FAM221A: variants seen among roughly 807,000 people sequenced by gnomAD.
The protein encoded by FAM221A is protein FAM221A.
A neutral mutation model predicts 37.6 loss-of-function variants in FAM221A; 43 were observed. That is an observed-to-expected ratio of 1.15 (90% CI 0.90 to 1.48). The LOEUF (loss-of-function observed/expected upper bound fraction) is 1.48, where lower values mean the gene tolerates loss of function less well. FAM221A is among the 40% of genes most tolerant of loss of function. The pLI is 0.00. For synonymous variants in FAM221A, 135 were observed against 132.9 expected (o/e 1.02, Z -0.11); for missense variants, 361 against 361.5 (o/e 1.00, Z 0.01).
chr7:23,702,428 T>A lies in FAM221A; in HGVS notation c.*264T>A, dbSNP rs148403009. On this transcript the variant is annotated 3_prime_UTR_variant, in exon 7 of 7. Transcript: ENST00000344962. ...TGAGTCTGTCTGAGAGTACAGTAAATGTTTTTAGTACATAATAATTTAACT... is the reference window on the plus strand; with the variant it reads ...TGAGTCTGTCTGAGAGTACAGTAAAAGTTTTTAGTACATAATAATTTAACT... 5.3e-3 allele frequency: 1,204 copies of A among 226,384 alleles called. 3 individuals are homozygous for A. The highest frequency in any genetic ancestry group is 7.0e-3 in the Non-Finnish European group (805 of 115,432). The allele number at this position is 226,384 out of a possible 1,614,324, so 14.0% of individuals were successfully genotyped here. A position where few individuals can be genotyped will look rare whatever the true frequency, so the allele number is the denominator to read the frequency against.
At chr7:23,700,975 C>A in intron 6 of FAM221A, 107 bp downstream of exon 6, 1 of 779,500 alleles carries the variant, frequency 1.3e-6, no homozygotes, top group Non-Finnish European at 2.1e-6. Context: ...TTTATAAAGT[C>A]TTTACTTACA....
chr7:23,680,400 G>A, intron 1 of FAM221A, 117 bp downstream of exon 1: 2 of 723,574 alleles, frequency 2.8e-6, no homozygotes, highest in Non-Finnish European at 2.2e-6. Context: ...ATCTGTGCCT[G>A]GGCTGTTGGG....
chr7:23,698,219 C>G lies in FAM221A; in HGVS notation c.665C>G (p.Ser222Cys), dbSNP rs746286570. Residue 222 changes from serine (S) to cysteine (C), a missense_variant, in exon 5 of 7, where the codon TCT becomes TGT. Coordinates refer to ENST00000344962, the MANE Select transcript of FAM221A (RefSeq NM_199136.5). The part of the protein sequence containing the change: ...IGVPSVEFLE[S>C]PITAVDSPFL... ...GTACCTTCAGTTGAATTTTTAGAAT[C>G]TCCCATTACGGCAGTAGACAGCCCA... 2 of 1,591,416 alleles carry G rather than the reference C, an allele frequency of 1.3e-6. No homozygotes were observed. The highest frequency in any genetic ancestry group is 2.3e-5 in the East Asian group (1 of 44,186).
At chr7:23,700,377 A>G (rs1350636573) in intron 5 of FAM221A, among the ~76,000 whole-genome samples, 1 of 152,250 alleles carries the variant, frequency 6.6e-6, no homozygotes, top group Non-Finnish European at 1.5e-5. Flanking sequence ...AAAATAGTTC[A>G]GTTTTGAAAG....
At chr7:23,694,791 A>G (rs1024594058) in intron 4 of FAM221A, 1 of 152,186 alleles carries the variant, frequency 6.6e-6, no homozygotes, top group Non-Finnish European at 1.5e-5. Context: ...TGTTGTTTTC[A>G]TTACTGCAGC....
intron 6 of FAM221A, among the ~76,000 whole-genome samples, chr7:23,701,555 A>T (rs1402355246): frequency 6.6e-6 from 1 of 152,016 alleles, no homozygotes; most frequent in Non-Finnish European, 1.5e-5. Context: ...TTGAATTCTT[A>T]ATATGTATTA....
At chr7:23,696,247 CA>C (rs1242850097) in intron 4 of FAM221A, among the ~76,000 whole-genome samples, 1 of 140,426 alleles carries the variant, frequency 7.1e-6, no homozygotes, top group Non-Finnish European at 1.6e-5. Flanking sequence ...AGAAAAGGTA[CA>C]GTAAAAATAT....
intron 4 of FAM221A, 31 bp from the exon 5 acceptor site, chr7:23,698,161 A>C: frequency 1.8e-6 from 2 of 1,122,722 alleles, no homozygotes; most frequent in Non-Finnish European, 2.7e-6. Flanking sequence ...GTAAATATTT[A>C]ATTTTTATTC....
At chr7:23,693,377 A>G (rs960561000) in intron 4 of FAM221A, 4 of 151,820 alleles carry the variant, frequency 2.6e-5, no homozygotes, top group East Asian at 1.9e-4. Context: ...TGTTGTTTCA[A>G]TTTGATTTCC....
chr7:23,694,214 A>G (rs1784915978), intron 4 of FAM221A: 1 of 152,078 alleles, frequency 6.6e-6, no homozygotes, highest in African/African-American at 2.4e-5. Flanking sequence ...GGAAACTACC[A>G]TATTCTGTCA....
Position 23,691,573 on chromosome 7 carries a change from T to A in FAM221A, c.614T>A (p.Met205Lys), listed in dbSNP as rs1416514809. Residue 205 changes from methionine (M) to lysine (K), a missense_variant, in exon 4 of 7, where the codon ATG (methionine) becomes AAG (lysine). Met to Lys is a moderately conservative substitution (Grantham distance 95). Coordinates refer to ENST00000344962, the MANE Select transcript of FAM221A (RefSeq NM_199136.5). ...TGFSSLAEGYMRLDDSGIGVP... is the reference protein window; with the variant it reads ...TGFSSLAEGYKRLDDSGIGVP... ...TTCAGCTCGCTGGCGGAAGGCTACA[T>A]GCGGTTAGATGACAGTGGGATTGGT... 6.2e-7 allele frequency: 1 copy of A among 1,614,132 alleles called. No individual in the cohort carries two copies. Among genetic ancestry groups the A allele is most frequent in the African/African-American group, 1.3e-5 (1 of 75,044 alleles).
At chr7:23,698,132 A>C in intron 4 of FAM221A, 60 bp from the exon 5 acceptor site, 1 of 905,016 alleles carries the variant, frequency 1.1e-6, no homozygotes, top group Non-Finnish European at 1.8e-6. Flanking sequence ...ATTAGAAGTA[A>C]TAACTTGTTT....
intron 1 of FAM221A, chr7:23,680,806 C>T (rs915860971): frequency 6.6e-6 from 1 of 152,636 alleles, no homozygotes; most frequent in Admixed American, 6.5e-5. Flanking sequence ...TGTCCTGGAT[C>T]CTGACCGAGG....
At chr7:23,692,427 C>T (rs1042051397) in intron 4 of FAM221A, 26 of 217,696 alleles carry the variant, frequency 1.2e-4, no homozygotes, top group Admixed American at 1.0e-3. Flanking sequence ...CCGCAACCTC[C>T]GCCTCCCGGG....
At chr7:23,690,804 C>T (rs1784700177) in intron 3 of FAM221A, among the ~76,000 whole-genome samples, 2 of 152,158 alleles carry the variant, frequency 1.3e-5, no homozygotes, top group African/African-American at 2.4e-5. Flanking sequence ...CCCTAGGCAA[C>T]CCATAATCTA....
chr7:23,685,292 CAAAA>C (rs1254790570), intron 2 of FAM221A, among the ~76,000 whole-genome samples: 12 of 151,598 alleles, frequency 7.9e-5, no homozygotes, highest in African/African-American at 1.7e-4. Context: ...CAAAACAAAA[CAAAA>C]CAAAACAAAA....
intron 2 of FAM221A, chr7:23,688,451 A>G (rs1427882137): frequency 1.3e-5 from 2 of 152,206 alleles, no homozygotes; most frequent in Non-Finnish European, 2.9e-5. Context: ...AGAAAATTAC[A>G]ATACTATAAG....
chr7:23,692,095 A>C, intron 4 of FAM221A: 11 of 450,482 alleles, frequency 2.4e-5, no homozygotes, highest in Non-Finnish European at 2.3e-5. Context: ...GTATATATGT[A>C]TGTGCACACA....
chr7:23,690,655 GCAGTTTA>G (rs1216242889), intron 3 of FAM221A, among the ~76,000 whole-genome samples: 1 of 152,112 alleles, frequency 6.6e-6, no homozygotes, highest in African/African-American at 2.4e-5. Context: ...TTTAAAATGT[GCAGTTTA>G]ATGATTTTTA....
Sources: gnomAD v4.1 joint callset for allele counts (sites outside exome capture counted in the v4.1 genomes callset) on GRCh38, gnomAD v4.1.1 for gene constraint, MANE v1.5 for transcripts, NCBI Gene and HGNC (gene_info 2026-07-23, HGNC 2026-07-21) for gene names.